The following KCTD16 variants were observed in gnomAD, a reference collection of about 807,000 sequenced individuals.
KCTD16 encodes potassium channel tetramerization domain containing 16, also known as BTB/POZ domain-containing protein KCTD16.
A neutral mutation model predicts 33.2 loss-of-function variants in KCTD16; 13 were observed. The ratio of observed to expected loss-of-function variants is 0.39; its 90% CI spans 0.25 to 0.62. The LOEUF (loss-of-function observed/expected upper bound fraction) is 0.62. Among genes scored for constraint, KCTD16 ranks in the 20% least tolerant of loss-of-function variants. KCTD16 has a pLI of 0.50. For missense variants in KCTD16, 441 were observed against 525.1 expected, an observed-to-expected ratio of 0.84 and a Z score of 1.57; for synonymous variants, 197 against 195.3, an observed-to-expected ratio of 1.01 and a Z score of -0.07.
chr5:144,307,023 T>C (rs961480242), intron 3 of KCTD16, among the ~76,000 whole-genome samples: 1 of 152,176 alleles, frequency 6.6e-6, no homozygotes, highest in Non-Finnish European at 1.5e-5. Flanking sequence ...GGCCCTAGTT[T>C]TTTTGTTGGT....
At chr5:144,196,238 C>T (rs569952696) in intron 2 of KCTD16, among the ~76,000 whole-genome samples, 1 of 152,052 alleles carries the variant, frequency 6.6e-6, no homozygotes, top group African/African-American at 2.4e-5. Flanking sequence ...GCCAGTGGCT[C>T]TGCAGGTGAT....
chr5:144,424,795 T>C lies in KCTD16; in HGVS notation c.833-48865T>C, dbSNP rs569485897. ...CTGTGCCACTCCCACAATAAAGTCA[T>C]TAATCCATTCATGAGAGTGAGAGGA... On this transcript the variant is annotated intron_variant, in intron 3 of 3. Coordinates refer to ENST00000512467, the MANE Select transcript of KCTD16 (RefSeq NM_020768.4). 5.3e-5 allele frequency among the ~76,000 whole-genome samples: 8 copies of C among 152,200 alleles called. No homozygotes were observed. In the South Asian group the frequency reaches 1.2e-3, roughly 24 times the overall value.
chr5:144,216,793 G>A (rs564249932), intron 3 of KCTD16, among the ~76,000 whole-genome samples: 51 of 150,512 alleles, frequency 3.4e-4, no homozygotes, highest in African/African-American at 1.1e-3. Context: ...GCAGTGAGCC[G>A]TCATCACGCC....
intron 3 of KCTD16, among the ~76,000 whole-genome samples, chr5:144,464,759 CTCTTCT>C (rs371918283): frequency 1.5e-4 from 22 of 147,044 alleles, no homozygotes; most frequent in East Asian, 4.0e-4. Context: ...CTTCCTCTTC[CTCTTCT>C]TCTTCTTCTT....
At chr5:144,235,384 T>C (rs1261730476) in intron 3 of KCTD16, among the ~76,000 whole-genome samples, 1 of 152,158 alleles carries the variant, frequency 6.6e-6, no homozygotes, top group African/African-American at 2.4e-5. Flanking sequence ...ATGAGTTTGC[T>C]GAGCTCTTGT....
intron 3 of KCTD16, among the ~76,000 whole-genome samples, chr5:144,287,965 G>C (rs1221200184): frequency 6.6e-6 from 1 of 152,058 alleles, no homozygotes; most frequent in Non-Finnish European, 1.5e-5. Flanking sequence ...CCTTTACAGT[G>C]ATTTACAAAC....
chr5:144,190,859 C>T (rs1321599421), intron 2 of KCTD16, among the ~76,000 whole-genome samples: 1 of 152,200 alleles, frequency 6.6e-6, no homozygotes, highest in Non-Finnish European at 1.5e-5. Flanking sequence ...TTGCCTATGG[C>T]AATGCCTAGC....
intron 3 of KCTD16, among the ~76,000 whole-genome samples, chr5:144,310,614 CAAT>C (rs887345355): frequency 6.6e-6 from 1 of 151,054 alleles, no homozygotes; most frequent in Non-Finnish European, 1.5e-5. Context: ...ATTTTTTGAT[CAAT>C]AATATTAATC....
chr5:144,444,840 A>AAT (rs531025892), intron 3 of KCTD16, among the ~76,000 whole-genome samples: 2,073 of 148,402 alleles, frequency 0.014, 16 homozygotes, highest in South Asian at 0.044. Context: ...TTCAAAATGT[A>AAT]ATATATATAT....
chr5:144,367,746 TG>T, intron 3 of KCTD16, among the ~76,000 whole-genome samples: 1 of 151,238 alleles, frequency 6.6e-6, no homozygotes, highest in South Asian at 2.1e-4. Context: ...TGTGCAGGTT[TG>T]TTACAAAGAT....
At chr5:144,338,897 G>A (rs1157311484) in intron 3 of KCTD16, among the ~76,000 whole-genome samples, 1 of 152,144 alleles carries the variant, frequency 6.6e-6, no homozygotes, top group Non-Finnish European at 1.5e-5. Context: ...CCAGAGAAAA[G>A]GGGCATTTGG....
intron 3 of KCTD16, among the ~76,000 whole-genome samples, chr5:144,286,102 C>A (rs1334766942): frequency 6.6e-6 from 1 of 151,386 alleles, no homozygotes; most frequent in Non-Finnish European, 1.5e-5. Flanking sequence ...CGGGAGGTTT[C>A]GGGATTTATT....
chr5:144,283,258 A>C (rs1755656082), intron 3 of KCTD16, among the ~76,000 whole-genome samples: 1 of 152,124 alleles, frequency 6.6e-6, no homozygotes, highest in Non-Finnish European at 1.5e-5. Context: ...TATGAGGTAA[A>C]ATAAGTAGGA....
At chr5:144,178,434 AT>A (rs1752549305) in intron 2 of KCTD16, among the ~76,000 whole-genome samples, 1 of 152,152 alleles carries the variant, frequency 6.6e-6, no homozygotes, top group South Asian at 2.1e-4. Context: ...GGTTTATTTT[AT>A]TTTTAAACAG....
At chr5:144,278,248 C>A (rs1033092786) in intron 3 of KCTD16, among the ~76,000 whole-genome samples, 1 of 151,874 alleles carries the variant, frequency 6.6e-6, no homozygotes, top group Non-Finnish European at 1.5e-5. Context: ...AATCGTCAAA[C>A]ACCATTTGTT....
intron 3 of KCTD16, among the ~76,000 whole-genome samples, chr5:144,374,561 T>C (rs149902205): frequency 6.6e-6 from 1 of 152,294 alleles, no homozygotes; most frequent in African/African-American, 2.4e-5. Context: ...CTAACTTTTT[T>C]GATAGAGTGA....
Position 144,473,901 on chromosome 5 carries a change from G to T in KCTD16, c.1074G>T (p.Glu358Asp), listed in dbSNP as rs755853865. The part of the protein sequence containing the change: ...KGPVQLIQQS[E>D]MRRKSDLLRT... ...CTGTCCAGCTGATCCAACAGTCAGA[G>T]ATGCGGCGGAAAAGCGACTTACTCC... Residue 358 changes from glutamate (E) to aspartate (D), a missense_variant, in exon 4 of 4, where the codon GAG becomes GAT. Transcript: ENST00000512467. 6.2e-7 allele frequency: 1 copy of T among 1,614,088 alleles called. No individual in the cohort carries two copies. Among genetic ancestry groups the T allele is most frequent in the Non-Finnish European group, 8.5e-7 (1 of 1,180,014 alleles).
chr5:144,270,425 G>A (rs1580834617), intron 3 of KCTD16, among the ~76,000 whole-genome samples: 1 of 151,884 alleles, frequency 6.6e-6, no homozygotes, highest in East Asian at 1.9e-4. Flanking sequence ...AAACATACAA[G>A]CAATGGATCA....
At chr5:144,275,640 A>G (rs188049060) in intron 3 of KCTD16, among the ~76,000 whole-genome samples, 38 of 152,170 alleles carry the variant, frequency 2.5e-4, no homozygotes, top group African/African-American at 7.5e-4. Flanking sequence ...TCTCAAAACA[A>G]AATTAGTTTT....
Sources: allele counts gnomAD v4.1 joint callset (sites outside exome capture counted in the v4.1 genomes callset), GRCh38; gene constraint gnomAD v4.1.1; transcripts MANE v1.5; gene names NCBI Gene and HGNC (gene_info 2026-07-23, HGNC 2026-07-21).